The following GRAMD1B variants were observed in gnomAD, a reference collection of about 807,000 sequenced individuals.
The protein encoded by GRAMD1B is protein Aster-B.
A neutral mutation model predicts 99.7 loss-of-function variants in GRAMD1B; 37 were observed. The ratio of observed to expected loss-of-function variants is 0.37; its 90% CI spans 0.29 to 0.49. The LOEUF is 0.49. GRAMD1B is among the 20% of genes least tolerant of loss of function. The pLI is 0.98. For missense variants in GRAMD1B, 888 were observed against 1,009.2 expected, an observed-to-expected ratio of 0.88 and a Z score of 1.63; for synonymous variants, 427 against 387.6, an observed-to-expected ratio of 1.10 and a Z score of -1.19.
chr11:123,619,674 C>T (rs1299526222), intron 19 of GRAMD1B: 2 of 217,152 alleles, frequency 9.2e-6, no homozygotes, highest in Non-Finnish European at 1.6e-5. Context: ...GATGGCTGTA[C>T]TTTGTCTTCT....
At chr11:123,461,913 C>T (rs7112745) in intron 1 of GRAMD1B, among the ~76,000 whole-genome samples, 2 of 148,682 alleles carry the variant, frequency 1.3e-5, no homozygotes, top group Admixed American at 1.3e-4. Context: ...GCCAAGATAG[C>T]TCTACTTTCA....
rs1948828018 is a variant in GRAMD1B, at chr11:123,577,376, TA to T, written c.464del (p.Asn155ThrfsTer76). 1 of 1,584,154 alleles carries T rather than the reference TA, an allele frequency of 6.3e-7. No homozygotes were observed. The highest frequency in any genetic ancestry group is 1.3e-5 in the African/African-American group (1 of 74,242). On this transcript the variant is annotated frameshift_variant, in exon 3 of 20. Coordinates refer to ENST00000635736, the MANE Select transcript of GRAMD1B (RefSeq NM_001387025.1). LOFTEE classifies it high-confidence loss of function. ...CCATCTGCCGCTGCAGCACTGCCAG[TA>T]ACTCCAACCGCAGCACGCCGGCCTG... ...PRAREESTAS[N>X]SNRSTPACSP... is the part of the protein sequence containing the mutation.
At chr11:123,561,947 G>C (rs1308318153) in intron 2 of GRAMD1B, among the ~76,000 whole-genome samples, 1 of 152,172 alleles carries the variant, frequency 6.6e-6, no homozygotes, top group Non-Finnish European at 1.5e-5. Flanking sequence ...ATTGGGGGTG[G>C]GTAGGGAGTG....
chr11:123,528,990 C>T (rs891843581), intron 2 of GRAMD1B, among the ~76,000 whole-genome samples: 1 of 152,214 alleles, frequency 6.6e-6, no homozygotes. Context: ...TCCCAGAGAG[C>T]AGGCTCAGGG....
At chr11:123,449,731 T>TTTTTTTTTTTTTG (rs1360753936) in intron 1 of GRAMD1B, among the ~76,000 whole-genome samples, 3 of 149,340 alleles carry the variant, frequency 2.0e-5, no homozygotes, top group East Asian at 2.0e-4. Context: ...TTTTTTTTTT[T>TTTTTTTTTTTTTG]GAGACAGGGT....
At position 123,589,614 on chromosome 11, in the gene GRAMD1B, T is replaced by TTATATATATATA. The variant is rs71060517; in HGVS notation, c.685-4456_685-4445dup. On this transcript the variant is annotated intron_variant, in intron 4 of 19. Coordinates refer to ENST00000635736, the MANE Select transcript of GRAMD1B (RefSeq NM_001387025.1). ...ACCTGCCACCATGTGTGGCTAATTT[T>TTATATATATATA]TATATATATATATATATATATATTT... Among the ~76,000 whole-genome samples, 418 of 128,242 alleles carry TTATATATATATA rather than the reference T, an allele frequency of 3.3e-3. 2 individuals carry two copies. Among genetic ancestry groups the TTATATATATATA allele is most frequent in the Admixed American group, 8.7e-3 (114 of 13,108 alleles). 84.1% of individuals were successfully genotyped at this position (128,242 alleles called of 152,430 possible). A position where few individuals can be genotyped will look rare whatever the true frequency, so the allele number is the denominator to read the frequency against.
intron 2 of GRAMD1B, 27 bp from the exon 3 acceptor site, chr11:123,577,340 G>T (rs1207669555): frequency 1.3e-6 from 2 of 1,542,838 alleles, no homozygotes; most frequent in Admixed American, 1.9e-5. Context: ...TTTCCACCCC[G>T]CTCCCTCTCT....
intron 1 of GRAMD1B, among the ~76,000 whole-genome samples, chr11:123,457,971 C>T (rs1242602203): frequency 6.6e-6 from 1 of 152,216 alleles, no homozygotes; most frequent in African/African-American, 2.4e-5. Flanking sequence ...CTGCCTCGGC[C>T]TCCCAAAATG....
intron 1 of GRAMD1B, among the ~76,000 whole-genome samples, chr11:123,421,252 G>A (rs1948424745): frequency 6.6e-6 from 1 of 152,208 alleles, no homozygotes; most frequent in South Asian, 2.1e-4. Context: ...ATTAGTTCTA[G>A]TGAGGTATTT....
At chr11:123,386,407 T>A (rs963864034) in intron 1 of GRAMD1B, among the ~76,000 whole-genome samples, 1 of 150,890 alleles carries the variant, frequency 6.6e-6, no homozygotes, top group Admixed American at 6.6e-5. Flanking sequence ...ATTCTTAGAA[T>A]TTCACTTTGA....
intron 2 of GRAMD1B, chr11:123,559,672 G>T: frequency 1.0e-6 from 1 of 985,114 alleles, no homozygotes; most frequent in African/African-American, 1.7e-5. Context: ...AGACCCAGAC[G>T]ACTCTGCTTT....
intron 2 of GRAMD1B, among the ~76,000 whole-genome samples, chr11:123,529,781 G>A (rs1365151704): frequency 2.6e-5 from 4 of 152,106 alleles, no homozygotes; most frequent in African/African-American, 9.7e-5. Flanking sequence ...CACTAAGAAG[G>A]TCTCCAATTT....
chr11:123,448,201 C>T (rs890128161), intron 1 of GRAMD1B, among the ~76,000 whole-genome samples: 6 of 151,990 alleles, frequency 3.9e-5, no homozygotes, highest in African/African-American at 1.4e-4. Context: ...TCCTTTTCCT[C>T]CTTTTACCCT....
intron 2 of GRAMD1B, among the ~76,000 whole-genome samples, chr11:123,517,189 G>A (rs151063225): frequency 0.022 from 3,338 of 152,214 alleles, 110 homozygotes; most frequent in African/African-American, 0.068. Context: ...CAAAGTGCTG[G>A]GATTACAGGC....
At chr11:123,485,975 C>G (rs578193249) in intron 2 of GRAMD1B, among the ~76,000 whole-genome samples, 1 of 152,288 alleles carries the variant, frequency 6.6e-6, no homozygotes, top group Non-Finnish European at 1.5e-5. Context: ...CTCTGTCTCC[C>G]AAAGTGTTGG....
chr11:123,500,979 T>G (rs1208872031), intron 2 of GRAMD1B, among the ~76,000 whole-genome samples: 1 of 151,900 alleles, frequency 6.6e-6, no homozygotes, highest in Non-Finnish European at 1.5e-5. Context: ...TGGCAATAGA[T>G]GCCATTTTGA....
rs539811897 is a variant in GRAMD1B, at chr11:123,430,625, C to T, written c.-168C>T. On this transcript the variant is annotated 5_prime_UTR_variant, in exon 1 of 20. Transcript: ENST00000635736. ...GACTCCGGGCGGCGGCGCGCTACGCCGCGTCCCCTCGCGTCCCTTCCTCGC... is the reference window on the plus strand; with the variant it reads ...GACTCCGGGCGGCGGCGCGCTACGCTGCGTCCCCTCGCGTCCCTTCCTCGC... The T allele has an allele frequency of 6.2e-6, 3 of 487,104 alleles. No individual in the cohort carries two copies. The highest frequency in any genetic ancestry group is 3.5e-5 in the East Asian group (1 of 28,562). The allele number at this position is 487,104 out of a possible 1,614,324, so 30.2% of individuals were successfully genotyped here. A position where few individuals can be genotyped will look rare whatever the true frequency, so the allele number is the denominator to read the frequency against.
chr11:123,365,359 C>T (rs757284415), intron 1 of GRAMD1B, among the ~76,000 whole-genome samples: 6 of 152,060 alleles, frequency 3.9e-5, no homozygotes, highest in African/African-American at 1.5e-4. Context: ...TCAAGAGATT[C>T]TCCTGCCTCA....
intron 2 of GRAMD1B, among the ~76,000 whole-genome samples, chr11:123,524,979 C>T (rs1013528692): frequency 5.9e-5 from 9 of 152,202 alleles, no homozygotes; most frequent in African/African-American, 2.2e-4. Flanking sequence ...GGAGGAGCCT[C>T]TTCCCCATTC....
Sources: allele counts gnomAD v4.1 joint callset (sites outside exome capture counted in the v4.1 genomes callset), GRCh38; gene constraint gnomAD v4.1.1; transcripts MANE v1.5; gene names NCBI Gene and HGNC (gene_info 2026-07-23, HGNC 2026-07-21).